FAXDC2: variants seen among roughly 807,000 people sequenced by gnomAD.
The protein encoded by FAXDC2 is fatty acid hydroxylase domain containing 2, also known as fatty acid hydroxylase domain-containing protein 2.
Under a neutral mutation model 40.9 loss-of-function variants are expected in FAXDC2, and 41 were observed. The ratio of observed to expected loss-of-function variants is 1.00; its 90% CI spans 0.78 to 1.30. The LOEUF (loss-of-function observed/expected upper bound fraction) is 1.30. Ranked by LOEUF, FAXDC2 falls within the 50% of genes most tolerant of loss-of-function variation. The pLI, the probability that FAXDC2 is intolerant of heterozygous loss-of-function variation, is 0.00. For missense variants in FAXDC2, 390 were observed against 408.8 expected, an observed-to-expected ratio of 0.95 and a Z score of 0.40; for synonymous variants, 157 against 149.3, an observed-to-expected ratio of 1.05 and a Z score of -0.38.
At position 154,823,619 on chromosome 5, in the gene FAXDC2, T is replaced by G. The variant is rs779521999; in HGVS notation, c.367-27A>C. Reference sequence around the variant, plus strand: ...TGCCCAAGGGAAGGGAGGAGGGAGATGGATAAGAGTGTGAGAAGTAGGCTC... The same window carrying G: ...TGCCCAAGGGAAGGGAGGAGGGAGAGGGATAAGAGTGTGAGAAGTAGGCTC... On this transcript the variant is annotated intron_variant, in intron 5 of 8. Transcript: ENST00000326080. The G allele has an allele frequency of 1.5e-5, 24 of 1,588,726 alleles. No individual in the cohort carries two copies. The East Asian group carries it at 5.1e-4, about 34-fold the overall frequency.
chr5:154,838,663 A>G lies in FAXDC2; in HGVS notation c.1-485T>C, dbSNP rs745949439. The G allele has an allele frequency of 1.9e-4, 32 of 171,536 alleles. 1 individual carries two copies. The highest frequency in any genetic ancestry group is 3.5e-4 in the Non-Finnish European group (29 of 81,928). The allele number at this position is 171,536 out of a possible 1,614,324, so 10.6% of individuals were successfully genotyped here. A position where few individuals can be genotyped will look rare whatever the true frequency, so the allele number is the denominator to read the frequency against. Reference sequence around the variant, plus strand: ...GCCCAGGCTGGAGTGCAGTGGCACAATCTTGGCTCACTGCAAGCTCTGCCT... The same window carrying G: ...GCCCAGGCTGGAGTGCAGTGGCACAGTCTTGGCTCACTGCAAGCTCTGCCT... On this transcript the variant is annotated intron_variant, in intron 1 of 8. Coordinates refer to ENST00000326080, the MANE Select transcript of FAXDC2 (RefSeq NM_032385.5).
chr5:154,822,565 G>A lies in FAXDC2; in HGVS notation c.585C>T (p.His195=). The A allele has an allele frequency of 4.3e-6, 7 of 1,613,776 alleles. No individual in the cohort carries two copies. Among genetic ancestry groups the A allele is most frequent in the East Asian group, 2.2e-5 (1 of 44,874 alleles). The change falls in exon 7 of 9, where the codon CAC becomes CAT. Residue 195 remains histidine (H), a synonymous_variant. Transcript: ENST00000326080. ...TGTGGATTTTCTTGTAGAATGTTGGGTGGTGAAGGAGCCTGGGGAAATAGT... is the reference window on the plus strand; with the variant it reads ...TGTGGATTTTCTTGTAGAATGTTGGATGGTGAAGGAGCCTGGGGAAATAGT... ...LFYYSHRLLH[H]PTFYKKIHKK...
chr5:154,833,623 G>A (rs1264842761), intron 4 of FAXDC2, among the ~76,000 whole-genome samples: 1 of 151,982 alleles, frequency 6.6e-6, no homozygotes, highest in African/African-American at 2.4e-5. Flanking sequence ...CAAAGTGTTG[G>A]GATTACAGGC....
At chr5:154,827,634 C>T (rs1760075788) in intron 5 of FAXDC2, among the ~76,000 whole-genome samples, 1 of 152,032 alleles carries the variant, frequency 6.6e-6, no homozygotes, top group South Asian at 2.1e-4. Flanking sequence ...CTCCTGGGCT[C>T]AAGCAGTCCT....
intron 1 of FAXDC2, 85 bp from the exon 2 acceptor site, chr5:154,838,263 G>T: frequency 1.6e-6 from 2 of 1,241,582 alleles, no homozygotes; most frequent in Admixed American, 5.4e-5. Context: ...CAAAGTGTAT[G>T]GCTAGCAGTG....
chr5:154,844,655 C>T (rs913989891), intron 1 of FAXDC2, among the ~76,000 whole-genome samples: 10 of 152,132 alleles, frequency 6.6e-5, no homozygotes, highest in African/African-American at 2.2e-4. Context: ...TTCTATATAT[C>T]CTTTTATTGG....
At chr5:154,832,444 G>T (rs191780265) in intron 4 of FAXDC2, among the ~76,000 whole-genome samples, 109 of 152,122 alleles carry the variant, frequency 7.2e-4, no homozygotes, top group Admixed American at 1.6e-3. Flanking sequence ...CTCATGATCC[G>T]CCTGCCTCGG....
chr5:154,841,529 T>C (rs557633787), intron 1 of FAXDC2, among the ~76,000 whole-genome samples: 2 of 152,150 alleles, frequency 1.3e-5, no homozygotes, highest in African/African-American at 4.8e-5. Flanking sequence ...GCCCCACAAC[T>C]AGGACAACAG....
rs568388311 is a variant in FAXDC2, at chr5:154,831,911, GT to G, written c.245-990del. On this transcript the variant is annotated intron_variant, in intron 4 of 8. Coordinates refer to ENST00000326080, the MANE Select transcript of FAXDC2 (RefSeq NM_032385.5). ...ATTTAAGCAGCCTAAATACCCATTA[GT>G]AGGGAAGGGACTAAACAGATTAGAG... Among the ~76,000 whole-genome samples, 51 of 152,214 alleles carry G rather than the reference GT, an allele frequency of 3.4e-4. No homozygotes were observed. In the South Asian group the frequency reaches 9.1e-3, roughly 27 times the overall value.
chr5:154,834,608 T>A lies in FAXDC2; in HGVS notation c.244+17A>T, dbSNP rs1582531718. On this transcript the variant is annotated intron_variant, in intron 4 of 8. Coordinates refer to ENST00000326080, the MANE Select transcript of FAXDC2 (RefSeq NM_032385.5). ...CATGCACCCACATGCTAGGTGCTGG[T>A]GGTCTGGGAACCTCACCTATAAAGA... 6.5e-7 allele frequency: 1 copy of A among 1,536,912 alleles called. No homozygotes were observed. The highest frequency in any genetic ancestry group is 9.0e-7 in the Non-Finnish European group (1 of 1,109,592).
chr5:154,823,611 G>A lies in FAXDC2; in HGVS notation c.367-19C>T. ...GATCCACCTGCCCAAGGGAAGGGAG[G>A]AGGGAGATGGATAAGAGTGTGAGAA... On this transcript the variant is annotated intron_variant, in intron 5 of 8. Transcript: ENST00000326080. 3 of 1,601,806 alleles carry A rather than the reference G, an allele frequency of 1.9e-6. No homozygotes were observed. The highest frequency in any genetic ancestry group is 2.6e-6 in the Non-Finnish European group (3 of 1,168,980).
At chr5:154,842,209 G>T (rs1050778223) in intron 1 of FAXDC2, among the ~76,000 whole-genome samples, 3 of 150,672 alleles carry the variant, frequency 2.0e-5, no homozygotes, top group African/African-American at 7.3e-5. Flanking sequence ...GTTTTGTTTT[G>T]TTTTTTGAGA....
chr5:154,840,545 T>C (rs1048115676), intron 1 of FAXDC2, among the ~76,000 whole-genome samples: 2 of 152,090 alleles, frequency 1.3e-5, no homozygotes, highest in African/African-American at 4.8e-5. Context: ...TCTTTTTTTT[T>C]TGAGACAGGG....
intron 5 of FAXDC2, among the ~76,000 whole-genome samples, chr5:154,827,875 T>A (rs1760082319): frequency 1.3e-5 from 2 of 150,074 alleles, no homozygotes; most frequent in Admixed American, 1.3e-4. Context: ...TTTGAGTCAG[T>A]GTCTCACTCT....
chr5:154,840,765 G>A (rs1257595865), intron 1 of FAXDC2, among the ~76,000 whole-genome samples: 2 of 152,142 alleles, frequency 1.3e-5, no homozygotes. Flanking sequence ...TGCCCAGGCT[G>A]ATCTCAAACT....
chr5:154,823,372 G>T lies in FAXDC2; in HGVS notation c.572+15C>A. 3.1e-6 allele frequency: 5 copies of T among 1,611,856 alleles called. No individual in the cohort carries two copies. In the South Asian group the frequency reaches 4.4e-5, roughly 14 times the overall value. On this transcript the variant is annotated intron_variant, in intron 6 of 8. Coordinates refer to ENST00000326080, the MANE Select transcript of FAXDC2 (RefSeq NM_032385.5). Reference sequence around the variant, plus strand: ...GGATGAGGAGCCAGCTGTGCCTCAGGCAGGGCCTGCTCACCGGTGTGAATA... The same window carrying T: ...GGATGAGGAGCCAGCTGTGCCTCAGTCAGGGCCTGCTCACCGGTGTGAATA...
chr5:154,844,382 CAAAAAAA>C (rs1227960252), intron 1 of FAXDC2, among the ~76,000 whole-genome samples: 2 of 90,178 alleles, frequency 2.2e-5, no homozygotes, highest in African/African-American at 4.2e-5. Flanking sequence ...ACCCTGCCTC[CAAAAAAA>C]AAAAAAAAGA....
At chr5:154,844,942 C>T (rs1180360152) in intron 1 of FAXDC2, among the ~76,000 whole-genome samples, 7 of 152,174 alleles carry the variant, frequency 4.6e-5, no homozygotes, top group Admixed American at 4.6e-4. Flanking sequence ...CTACGTACAC[C>T]TTCTGGCCAA....
chr5:154,841,537 C>G (rs1760474707), intron 1 of FAXDC2, among the ~76,000 whole-genome samples: 1 of 152,142 alleles, frequency 6.6e-6, no homozygotes, highest in African/African-American at 2.4e-5. Flanking sequence ...ACTAGGACAA[C>G]AGACATTATT....
Sources: allele counts gnomAD v4.1 joint callset (sites outside exome capture counted in the v4.1 genomes callset), GRCh38; gene constraint gnomAD v4.1.1; transcripts MANE v1.5; gene names NCBI Gene and HGNC (gene_info 2026-07-23, HGNC 2026-07-21).